CNTNAP2: variants seen among roughly 807,000 people sequenced by gnomAD.
CNTNAP2 encodes the protein contactin-associated protein-like 2.
In CNTNAP2, 98 loss-of-function variants were observed where a neutral mutation model predicts 155.2. The ratio of observed to expected loss-of-function variants is 0.63; its 90% CI spans 0.54 to 0.75. CNTNAP2 has a LOEUF of 0.75. Among genes scored for constraint, CNTNAP2 ranks in the 30% least tolerant of loss-of-function variants. The pLI is 0.00. For synonymous variants in CNTNAP2, 651 were observed against 631.2 expected (o/e 1.03, Z -0.47); for missense variants, 1,727 against 1,688.1 (o/e 1.02, Z -0.40).
At chr7:147,242,120 C>A (rs951226722) in intron 8 of CNTNAP2, among the ~76,000 whole-genome samples, 8 of 152,192 alleles carry the variant, frequency 5.3e-5, no homozygotes, top group Non-Finnish European at 1.0e-4. Context: ...CTCCTCCTTA[C>A]AATGCAATCG....
chr7:148,331,755 C>CAGATGGAGT lies in CNTNAP2; in HGVS notation c.3476-51894_3476-51893insAGATGGAGT, dbSNP rs1563046070. ...GGATGGAGTGGATGGATGGAACGGACGGATGGATTGGATGGATGGAATGGA... is the reference window on the plus strand; with the variant it reads ...GGATGGAGTGGATGGATGGAACGGACAGATGGAGTGGATGGATTGGATGGATGGAATGGA... On this transcript the variant is annotated intron_variant, in intron 21 of 23. Transcript: ENST00000361727. Among the ~76,000 whole-genome samples the CAGATGGAGT allele has an allele frequency of 8.3e-4, 56 of 67,164 alleles. 5 individuals are homozygous for CAGATGGAGT. The highest frequency in any genetic ancestry group is 1.5e-3 in the South Asian group (4 of 2,742). 44.1% of individuals were successfully genotyped at this position (67,164 alleles called of 152,430 possible).
At chr7:146,485,704 C>T (rs1255705875) in intron 1 of CNTNAP2, among the ~76,000 whole-genome samples, 1 of 151,726 alleles carries the variant, frequency 6.6e-6, no homozygotes, top group Non-Finnish European at 1.5e-5. Context: ...CTCACTGCAG[C>T]CTCCACCTCG....
intron 11 of CNTNAP2, among the ~76,000 whole-genome samples, chr7:147,515,321 C>CTTTT (rs763147267): frequency 0.051 from 6,363 of 125,274 alleles, 872 homozygotes; most frequent in Non-Finnish European, 0.074. Flanking sequence ...TCATTATATT[C>CTTTT]TTTTTTTGTT....
At position 148,383,820 on chromosome 7, in the gene CNTNAP2, C is replaced by G. The variant is rs553418598; in HGVS notation, c.3647C>G (p.Ala1216Gly). ...GAGCTGGTGGAGTCCAACTGCGGGG[C>G]CTCGCCGCTGACCCTCTCCCCCATG... ...QGELVESNCG[A>G]SPLTLSPMSS... Residue 1216 changes from alanine to glycine, a missense_variant, in exon 22 of 24, where the codon GCC becomes GGC. Transcript: ENST00000361727. The G allele has an allele frequency of 3.1e-6, 5 of 1,613,998 alleles. No individual in the cohort carries two copies. The African/African-American group carries it at 5.3e-5, about 17-fold the overall frequency.
rs1359310027 is a variant in CNTNAP2 at position 146,847,394 on chromosome 7, T to C, written c.402+7490T>C. On this transcript the variant is annotated intron_variant, in intron 3 of 23. Coordinates refer to ENST00000361727, the MANE Select transcript of CNTNAP2 (RefSeq NM_014141.6). ...AATTTTGGTAACATAGATCTGTGTA[T>C]CTTCACGCAGATTCTTTAAGCTTTC... Among the ~76,000 whole-genome samples the C allele has an allele frequency of 2.6e-5, 4 of 152,150 alleles. No individual in the cohort carries two copies. In the East Asian group the frequency reaches 7.7e-4, roughly 29 times the overall value.
rs73170380 is a variant in CNTNAP2, at chr7:146,874,780, C to T, written c.402+34876C>T. ...TCAATAAAATTGTATGATAACACGA[C>T]TTCTCATTCTGCTTCTGTGGCATTA... On this transcript the variant is annotated intron_variant, in intron 3 of 23. Transcript: ENST00000361727. 5.3e-3 allele frequency among the ~76,000 whole-genome samples: 812 copies of T among 152,272 alleles called. 6 individuals are homozygous for T. The highest frequency in any genetic ancestry group is 8.4e-3 in the Non-Finnish European group (573 of 68,018).
intron 13 of CNTNAP2, among the ~76,000 whole-genome samples, chr7:147,879,282 G>A (rs568981314): frequency 2.6e-5 from 4 of 152,228 alleles, no homozygotes; most frequent in African/African-American, 9.6e-5. Flanking sequence ...GGACTTTGAC[G>A]ACGAAGGCAT....
At chr7:147,298,967 G>A (rs1794890678) in intron 8 of CNTNAP2, among the ~76,000 whole-genome samples, 1 of 152,142 alleles carries the variant, frequency 6.6e-6, no homozygotes, top group Non-Finnish European at 1.5e-5. Flanking sequence ...CAGGAGCTTG[G>A]AGCCTTGATC....
chr7:147,873,874 T>C (rs1477891822), intron 13 of CNTNAP2, among the ~76,000 whole-genome samples: 1 of 152,196 alleles, frequency 6.6e-6, no homozygotes, highest in Non-Finnish European at 1.5e-5. Context: ...AATACACCCA[T>C]TCCAAATGGG....
intron 1 of CNTNAP2, among the ~76,000 whole-genome samples, chr7:146,586,794 A>G (rs916380362): frequency 3.9e-5 from 6 of 152,194 alleles, no homozygotes; most frequent in African/African-American, 1.4e-4. Flanking sequence ...CAGATGAGCT[A>G]ATTAATCAGC....
rs1379863582 is a variant in CNTNAP2, at chr7:147,368,023, CCCCCT to C, written c.1499-27583_1499-27579del. ...CTCTGTCTCTCTCTCTCCCCCCCCT[CCCCCT>C]CCTCCTCTGTCCCCCTCCCTCCCTC... On this transcript the variant is annotated intron_variant, in intron 9 of 23. Transcript: ENST00000361727. Among the ~76,000 whole-genome samples the C allele has an allele frequency of 9.8e-4, 65 of 66,468 alleles. 1 individual carries two copies. The highest frequency in any genetic ancestry group is 1.9e-3 in the Admixed American group (13 of 6,788). 43.6% of individuals were successfully genotyped at this position (66,468 alleles called of 152,430 possible). A position where few individuals can be genotyped will look rare whatever the true frequency, so the allele number is the denominator to read the frequency against.
At chr7:148,267,331 C>T (rs559736532) in intron 21 of CNTNAP2, among the ~76,000 whole-genome samples, 1 of 152,070 alleles carries the variant, frequency 6.6e-6, no homozygotes, top group East Asian at 1.9e-4. Flanking sequence ...GCTCATGTAA[C>T]TCATTCTAAA....
At chr7:147,371,675 C>T (rs956254111) in intron 9 of CNTNAP2, among the ~76,000 whole-genome samples, 18 of 152,138 alleles carry the variant, frequency 1.2e-4, no homozygotes, top group Non-Finnish European at 2.5e-4. Flanking sequence ...GAACATTCAC[C>T]ACTAAACCTG....
chr7:147,359,620 T>C (rs1260943342), intron 9 of CNTNAP2, among the ~76,000 whole-genome samples: 1 of 152,170 alleles, frequency 6.6e-6, no homozygotes, highest in Non-Finnish European at 1.5e-5. Flanking sequence ...GCCTCTGCTT[T>C]AACTGTGCTC....
At chr7:146,188,832 T>A (rs1296693632) in intron 1 of CNTNAP2, among the ~76,000 whole-genome samples, 1 of 152,188 alleles carries the variant, frequency 6.6e-6, no homozygotes, top group Non-Finnish European at 1.5e-5. Context: ...CAATTTGACA[T>A]CCCAATTTGG....
At chr7:147,169,101 T>C (rs1256412696) in intron 8 of CNTNAP2, among the ~76,000 whole-genome samples, 1 of 152,124 alleles carries the variant, frequency 6.6e-6, no homozygotes, top group Non-Finnish European at 1.5e-5. Flanking sequence ...GTGTTACTCT[T>C]CTGTATATAT....
At chr7:147,848,367 C>G (rs368190061) in intron 13 of CNTNAP2, among the ~76,000 whole-genome samples, 1,711 of 150,388 alleles carry the variant, frequency 0.011, 22 homozygotes, top group African/African-American at 0.039. Flanking sequence ...TTTCCAGGTG[C>G]GTCCGTCACC....
intron 1 of CNTNAP2, 174 bp downstream of exon 1, chr7:146,117,147 T>C (rs994199399): frequency 6.4e-6 from 4 of 622,000 alleles, no homozygotes; most frequent in Admixed American, 2.6e-5. Context: ...CCAGCGTTTC[T>C]GTTTTGGAAG....
At chr7:147,237,070 T>TTTTTTTTTTTTTTTTTTTTTG (rs1803824662) in intron 8 of CNTNAP2, among the ~76,000 whole-genome samples, 1 of 119,126 alleles carries the variant, frequency 8.4e-6, no homozygotes, top group African/African-American at 3.1e-5. Flanking sequence ...TTTTTTTTTT[T>TTTTTTTTTTTTTTTTTTTTTG]TTTTTTTTTT....
Sources: gnomAD v4.1 joint callset for allele counts (sites outside exome capture counted in the v4.1 genomes callset) on GRCh38, gnomAD v4.1.1 for gene constraint, MANE v1.5 for transcripts, NCBI Gene and HGNC (gene_info 2026-07-23, HGNC 2026-07-21) for gene names.